The following OSBPL9 variants were observed in gnomAD, a reference collection of about 807,000 sequenced individuals.
The protein encoded by OSBPL9 is oxysterol-binding protein-related protein 9.
OSBPL9 carries 40 observed loss-of-function variants against 106.6 expected under a neutral mutation model. The ratio of observed to expected loss-of-function variants is 0.38; its 90% confidence interval spans 0.29 to 0.49. OSBPL9 has a LOEUF of 0.49. Ranked by LOEUF, OSBPL9 falls within the 20% of genes least tolerant of loss-of-function variation. The pLI, the probability that OSBPL9 is intolerant of heterozygous loss-of-function variation, is 0.97. For missense variants in OSBPL9, 609 were observed against 887.2 expected, an observed-to-expected ratio of 0.69 and a Z score of 3.98; for synonymous variants, 269 against 295.4, an observed-to-expected ratio of 0.91 and a Z score of 0.92.
At chr1:51,653,410 TAC>T (rs1282197552) in intron 2 of OSBPL9, among the ~76,000 whole-genome samples, 11 of 152,342 alleles carry the variant, frequency 7.2e-5, no homozygotes, top group Admixed American at 5.9e-4. Context: ...GTCTCATTGT[TAC>T]AGTTAATCCA....
the OSBPL9 span, among the ~76,000 whole-genome samples, chr1:51,562,948 C>T: frequency 2.0e-5 from 3 of 152,152 alleles, no homozygotes; most frequent in African/African-American, 7.2e-5. Flanking sequence ...GTGGTTCACT[C>T]CTGTAATCCT....
At chr1:51,708,448 G>A (rs919600153) in intron 3 of OSBPL9, among the ~76,000 whole-genome samples, 2 of 151,986 alleles carry the variant, frequency 1.3e-5, no homozygotes, top group African/African-American at 4.8e-5. Context: ...TCAGCATTCT[G>A]TATATGTTCA....
chr1:51,658,407 G>A (rs1173442906), intron 2 of OSBPL9, among the ~76,000 whole-genome samples: 1 of 151,854 alleles, frequency 6.6e-6, no homozygotes, highest in Non-Finnish European at 1.5e-5. Context: ...TAATACAGAT[G>A]AATCTCAGAT....
At chr1:51,748,079 G>A (rs368634552) in intron 6 of OSBPL9, among the ~76,000 whole-genome samples, 55 of 152,184 alleles carry the variant, frequency 3.6e-4, no homozygotes, top group African/African-American at 1.3e-3. Context: ...TCAAGCCACC[G>A]TGCCCAGCCA....
At chr1:51,707,170 C>A in intron 3 of OSBPL9, 1 of 401,598 alleles carries the variant, frequency 2.5e-6, no homozygotes, top group Non-Finnish European at 5.0e-6. Flanking sequence ...ATGAGGTCCA[C>A]CACCCTGTTG....
intron 1 of OSBPL9, among the ~76,000 whole-genome samples, chr1:51,636,082 A>ATGTGTGTG (rs35392929): frequency 0.12 from 16,503 of 139,594 alleles, 1,017 homozygotes; most frequent in Middle Eastern, 0.22. Flanking sequence ...ATGTATGTAT[A>ATGTGTGTG]TGTGTGTGTG....
chr1:51,528,580 A>T, the OSBPL9 span, among the ~76,000 whole-genome samples: 2 of 151,882 alleles, frequency 1.3e-5, no homozygotes, highest in Non-Finnish European at 2.9e-5. Context: ...GAAATTAAAA[A>T]ATCAATTCCA....
chr1:51,722,162 AATAG>A (rs3991279), intron 4 of OSBPL9, among the ~76,000 whole-genome samples: 2,894 of 147,060 alleles, frequency 0.02, 32 homozygotes, highest in East Asian at 0.046. Flanking sequence ...CTCTAAAATA[AATAG>A]ATAGATAGAT....
intron 3 of OSBPL9, among the ~76,000 whole-genome samples, chr1:51,699,757 G>T (rs1656837655): frequency 6.6e-6 from 1 of 152,134 alleles, no homozygotes; most frequent in Non-Finnish European, 1.5e-5. Context: ...TGCTTATAAA[G>T]TGTTATGGCT....
At chr1:51,519,442 C>G in the OSBPL9 span, 1 of 180,390 alleles carries the variant, frequency 5.5e-6, no homozygotes, top group Admixed American at 6.1e-5. Context: ...GCCGCCCAAA[C>G]CCTGGCGCCG....
At chr1:51,651,854 A>G in intron 1 of OSBPL9, 137 bp from the exon 2 acceptor site, 1 of 645,460 alleles carries the variant, frequency 1.5e-6, no homozygotes, top group Non-Finnish European at 2.7e-6. Flanking sequence ...ATCCATAAGT[A>G]ATTTCTTTTT....
intron 4 of OSBPL9, among the ~76,000 whole-genome samples, chr1:51,721,944 A>G (rs923099763): frequency 6.6e-6 from 1 of 152,264 alleles, no homozygotes; most frequent in Non-Finnish European, 1.5e-5. Context: ...AGCATTTACT[A>G]TGTTTCATGC....
intron 12 of OSBPL9, among the ~76,000 whole-genome samples, chr1:51,770,119 C>T (rs1023113962): frequency 1.3e-5 from 2 of 151,268 alleles, no homozygotes; most frequent in African/African-American, 2.4e-5. Flanking sequence ...CACAGGCACA[C>T]ACCACCATGC....
chr1:51,751,499 A>G (rs1409043266), intron 8 of OSBPL9, among the ~76,000 whole-genome samples: 1 of 152,068 alleles, frequency 6.6e-6, no homozygotes, highest in East Asian at 1.9e-4. Context: ...AAAGCCAAGC[A>G]GAAGGAAAGA....
At chr1:51,623,280 A>G (rs1163096456) in intron 1 of OSBPL9, among the ~76,000 whole-genome samples, 1 of 152,198 alleles carries the variant, frequency 6.6e-6, no homozygotes, top group Non-Finnish European at 1.5e-5. Context: ...GGAATGTGGA[A>G]TGGAGGGGAA....
At chr1:51,544,806 A>T in the OSBPL9 span, among the ~76,000 whole-genome samples, 4 of 150,710 alleles carry the variant, frequency 2.7e-5, no homozygotes, top group Middle Eastern at 3.4e-3. Context: ...TAAAAATTAC[A>T]TCCAACAGTA....
rs1482863169 is a variant in OSBPL9, at chr1:51,786,603, G to A, written c.1986G>A (p.Glu662=). The A allele has an allele frequency of 1.2e-6, 2 of 1,611,988 alleles. No homozygotes were observed. The highest frequency in any genetic ancestry group is 1.3e-5 in the African/African-American group (1 of 74,850). The part of the protein sequence containing the change: ...KKVRKLEDQN[E]YESRSLWKDV... ...TGAGGAAGTTGGAAGATCAGAACGA[G>A]TATGAATCCCGCAGGTAAGCCGACA... is the stretch of plus-strand genomic sequence containing the variant. Residue 662 remains glutamate (E), a synonymous_variant, in exon 22 of 24, where the codon GAG becomes GAA. Coordinates refer to ENST00000428468, the MANE Select transcript of OSBPL9 (RefSeq NM_024586.6).
chr1:51,716,702 T>C (rs1661115356), intron 4 of OSBPL9, among the ~76,000 whole-genome samples: 1 of 152,220 alleles, frequency 6.6e-6, no homozygotes, highest in Admixed American at 6.5e-5. Context: ...TTGTTGTTTA[T>C]TGAATATTTT....
intron 12 of OSBPL9, among the ~76,000 whole-genome samples, chr1:51,766,260 G>A (rs987823869): frequency 1.3e-5 from 2 of 152,144 alleles, no homozygotes; most frequent in Non-Finnish European, 2.9e-5. Context: ...CTATAGTAAT[G>A]TGCCAGCGTT....
Sources: gnomAD v4.1 joint callset for allele counts (sites outside exome capture counted in the v4.1 genomes callset) on GRCh38, gnomAD v4.1.1 for gene constraint, MANE v1.5 for transcripts, NCBI Gene and HGNC (gene_info 2026-07-23, HGNC 2026-07-21) for gene names.